ARMC2: variants seen among roughly 807,000 people sequenced by gnomAD.
ARMC2 encodes the protein armadillo repeat-containing protein 2.
A neutral mutation model predicts 90.3 loss-of-function variants in ARMC2; 67 were observed. The ratio of observed to expected loss-of-function variants is 0.74; its 90% CI spans 0.61 to 0.91. The LOEUF (loss-of-function observed/expected upper bound fraction) is 0.91. Among genes scored for constraint, ARMC2 ranks in the 40% least tolerant of loss-of-function variants. The pLI is 0.00. For missense variants in ARMC2, 920 were observed against 1,030.9 expected, an observed-to-expected ratio of 0.89 and a Z score of 1.47; for synonymous variants, 393 against 393.0, an observed-to-expected ratio of 1.00 and a Z score of 0.00.
chr6:108,885,517 C>T (rs906001362), intron 5 of ARMC2, among the ~76,000 whole-genome samples: 1 of 151,966 alleles, frequency 6.6e-6, no homozygotes, highest in African/African-American at 2.4e-5. Flanking sequence ...GGTGAAATCA[C>T]ATTTCTACCA....
the ARMC2 span, chr6:108,998,751 AGTCCCTTAGGGG>A: frequency 6.2e-7 from 1 of 1,609,886 alleles, no homozygotes; most frequent in Admixed American, 1.7e-5. Context: ...AGCTTTTAAA[AGTCCCTTAGGGG>A]GAAAAAAAAA....
At chr6:109,012,681 C>T in the ARMC2 span, among the ~76,000 whole-genome samples, 3 of 151,994 alleles carry the variant, frequency 2.0e-5, no homozygotes, top group South Asian at 6.2e-4. Flanking sequence ...GGAGAATAGA[C>T]ACAGAGTTCT....
intron 2 of ARMC2, 111 bp downstream of exon 2, chr6:108,854,596 G>T: frequency 1.8e-6 from 2 of 1,111,530 alleles, no homozygotes; most frequent in Non-Finnish European, 2.5e-6. Flanking sequence ...TTTTAGAACA[G>T]TTTTAAGTTC....
chr6:108,988,314 C>A, the ARMC2 span: 1 of 386,192 alleles, frequency 2.6e-6, no homozygotes, highest in Non-Finnish European at 4.6e-6. Context: ...ACAGCCATGC[C>A]AGCACTTCTG....
At chr6:108,923,168 TCTA>T (rs914759522) in intron 10 of ARMC2, 11 of 152,248 alleles carry the variant, frequency 7.2e-5, no homozygotes, top group Non-Finnish European at 1.2e-4. Context: ...TGAGAATTTC[TCTA>T]CTAAGTCCTT....
At chr6:108,917,778 G>T (rs1774122432) in intron 10 of ARMC2, among the ~76,000 whole-genome samples, 1 of 152,122 alleles carries the variant, frequency 6.6e-6, no homozygotes, top group African/African-American at 2.4e-5. Context: ...CTCCAGAGTA[G>T]CTGGGATTAC....
At chr6:108,903,618 A>G (rs906760327) in intron 7 of ARMC2, among the ~76,000 whole-genome samples, 1 of 152,202 alleles carries the variant, frequency 6.6e-6, no homozygotes, top group African/African-American at 2.4e-5. Flanking sequence ...TGCTATTGAT[A>G]GAAAGAAATG....
At chr6:109,007,785 C>CTTTTTTT in the ARMC2 span, among the ~76,000 whole-genome samples, 3 of 103,352 alleles carry the variant, frequency 2.9e-5, no homozygotes, top group Non-Finnish European at 6.2e-5. Context: ...AGTCCAGGTA[C>CTTTTTTT]TTTTTTTTTT....
intron 3 of ARMC2, among the ~76,000 whole-genome samples, chr6:108,867,585 G>A (rs1048867497): frequency 2.0e-5 from 3 of 152,066 alleles, no homozygotes; most frequent in African/African-American, 7.2e-5. Context: ...TGACTAACAG[G>A]GTGAAACCCT....
chr6:108,876,911 A>G (rs1776994725), intron 5 of ARMC2, among the ~76,000 whole-genome samples: 1 of 152,208 alleles, frequency 6.6e-6, no homozygotes, highest in Non-Finnish European at 1.5e-5. Context: ...GTTCCTAGAT[A>G]GGGTTTCCTT....
chr6:109,050,252 C>A, the ARMC2 span, among the ~76,000 whole-genome samples: 1 of 152,054 alleles, frequency 6.6e-6, no homozygotes, highest in Non-Finnish European at 1.5e-5. Flanking sequence ...AAAGACTGAC[C>A]AATTGTGCTA....
the ARMC2 span, among the ~76,000 whole-genome samples, chr6:109,014,872 CAAACA>C: frequency 6.6e-6 from 1 of 152,260 alleles, no homozygotes; most frequent in South Asian, 2.1e-4. Flanking sequence ...GCTGGCTTCT[CAAACA>C]AATCACACTA....
intron 2 of ARMC2, among the ~76,000 whole-genome samples, chr6:108,857,618 T>C (rs1222432379): frequency 2.6e-5 from 4 of 152,226 alleles, no homozygotes; most frequent in Non-Finnish European, 5.9e-5. Context: ...TCATAAAATA[T>C]GATGTTAGCT....
intron 6 of ARMC2, among the ~76,000 whole-genome samples, chr6:108,898,757 A>G (rs931536663): frequency 2.0e-5 from 3 of 152,134 alleles, no homozygotes; most frequent in African/African-American, 7.2e-5. Flanking sequence ...CACTTTCTTC[A>G]CTTGCAAAAT....
intron 12 of ARMC2, among the ~76,000 whole-genome samples, chr6:108,945,904 T>C (rs1776769152): frequency 6.6e-6 from 1 of 152,224 alleles, no homozygotes; most frequent in African/African-American, 2.4e-5. Context: ...CCCTGGTGCC[T>C]TTGTAGGGCG....
the ARMC2 span, among the ~76,000 whole-genome samples, chr6:109,040,055 C>T: frequency 6.6e-6 from 1 of 152,130 alleles, no homozygotes; most frequent in Non-Finnish European, 1.5e-5. Flanking sequence ...AAACAATTAC[C>T]TGGAAAGAGA....
chr6:108,859,246 C>T lies in ARMC2; in HGVS notation c.291+975C>T, dbSNP rs58466254. Reference sequence around the variant, plus strand: ...TTACCTCCTTGGAGAACTCTTCACACGTCCTGCCCAACCACTTTCCCTGAG... The same window carrying T: ...TTACCTCCTTGGAGAACTCTTCACATGTCCTGCCCAACCACTTTCCCTGAG... On this transcript the variant is annotated intron_variant, in intron 3 of 17. Transcript: ENST00000392644. Among the ~76,000 whole-genome samples, 1,104 of 152,262 alleles carry T rather than the reference C, an allele frequency of 7.3e-3. 16 individuals are homozygous for T. Among genetic ancestry groups the T allele is most frequent in the African/African-American group, 0.025 (1,055 of 41,566 alleles).
At chr6:108,891,957 G>A (rs1771081674) in intron 5 of ARMC2, among the ~76,000 whole-genome samples, 1 of 152,192 alleles carries the variant, frequency 6.6e-6, no homozygotes, top group Non-Finnish European at 1.5e-5. Context: ...ACCCAGCACT[G>A]CTAAGCATTT....
Position 108,964,114 on chromosome 6 carries a change from G to A in ARMC2, c.2153-66G>A, listed in dbSNP as rs1449034145. On this transcript the variant is annotated intron_variant, in intron 15 of 17. Coordinates refer to ENST00000392644, the MANE Select transcript of ARMC2 (RefSeq NM_032131.6). ...CACTCCCCGTTTCCCCATACCATCT[G>A]TAAAACAAGAGACAGCTGGGAATCC... The A allele has an allele frequency of 5.1e-6, 8 of 1,562,390 alleles. No individual in the cohort carries two copies. In the South Asian group the frequency reaches 9.7e-5, roughly 19 times the overall value.
Sources: allele counts gnomAD v4.1 joint callset (sites outside exome capture counted in the v4.1 genomes callset), GRCh38; gene constraint gnomAD v4.1.1; transcripts MANE v1.5; gene names NCBI Gene and HGNC (gene_info 2026-07-23, HGNC 2026-07-21).